LGMN: variants seen among roughly 807,000 people sequenced by gnomAD.
LGMN encodes asparaginyl endopeptidase.
A neutral mutation model predicts 56.8 loss-of-function variants in LGMN; 36 were observed. The observed-to-expected ratio is 0.63, with a 90% confidence interval of 0.49 to 0.84. The LOEUF (loss-of-function observed/expected upper bound fraction) is 0.84, where lower values mean the gene tolerates loss of function less well. Ranked by LOEUF, LGMN falls within the 40% of genes least tolerant of loss-of-function variation. LGMN has a pLI of 0.00. For synonymous variants in LGMN, 199 were observed against 210.1 expected, an observed-to-expected ratio of 0.95 and a Z score of 0.46; for missense variants, 446 against 556.1, an observed-to-expected ratio of 0.80 and a Z score of 1.99.
Position 92,707,906 on chromosome 14 carries a change from C to T in LGMN, c.1021-1253G>A, listed in dbSNP as rs147124498. 6.7e-3 allele frequency among the ~76,000 whole-genome samples: 1,021 copies of T among 152,250 alleles called. 13 individuals carry two copies. The highest frequency in any genetic ancestry group is 0.024 in the African/African-American group (995 of 41,536). ...GTGCCTCACGCCTGTAATCCCAGAACTTTGGGAGGCTGATGCAGGTGGATC... is the reference window on the plus strand; with the variant it reads ...GTGCCTCACGCCTGTAATCCCAGAATTTTGGGAGGCTGATGCAGGTGGATC... On this transcript the variant is annotated intron_variant, in intron 11 of 13. Coordinates refer to ENST00000334869, the MANE Select transcript of LGMN (RefSeq NM_005606.7).
chr14:92,706,327 A>T, intron 12 of LGMN, 156 bp downstream of exon 12: 1 of 556,690 alleles, frequency 1.8e-6, no homozygotes, highest in Non-Finnish European at 2.9e-6. Flanking sequence ...ATTTAAAATT[A>T]GTGAATTTGG....
intron 1 of LGMN, among the ~76,000 whole-genome samples, chr14:92,747,035 CAAA>C (rs35615315): frequency 2.5e-5 from 2 of 78,964 alleles, no homozygotes. Context: ...GACTCCGTCT[CAAA>C]AAAAAAAAAA....
At chr14:92,725,780 G>A (rs1362921161) in intron 2 of LGMN, among the ~76,000 whole-genome samples, 2 of 151,646 alleles carry the variant, frequency 1.3e-5, no homozygotes, top group African/African-American at 4.8e-5. Flanking sequence ...TCACCATGTT[G>A]GCCAGGCTGG....
chr14:92,704,582 G>GC, intron 13 of LGMN, 58 bp downstream of exon 13: 1 of 1,397,864 alleles, frequency 7.2e-7, no homozygotes, highest in Non-Finnish European at 1.0e-6. Flanking sequence ...GAGGATGGCA[G>GC]CCCCTTCTGC....
At position 92,708,856 on chromosome 14, in the gene LGMN, C is replaced by CAAAAAAAAAAAAAA. The variant is rs58813848; in HGVS notation, c.1020+802_1020+815dup. 7.3e-4 allele frequency among the ~76,000 whole-genome samples: 52 copies of CAAAAAAAAAAAAAA among 71,616 alleles called. 1 individual carries two copies. Among genetic ancestry groups the CAAAAAAAAAAAAAA allele is most frequent in the Admixed American group, 1.3e-3 (7 of 5,338 alleles). The allele number at this position is 71,616 out of a possible 152,430, so 47.0% of individuals were successfully genotyped here. The stretch of plus-strand genomic sequence containing the variant: ...TGGCGACAGAGCAAGACTCTTGTCT[C>CAAAAAAAAAAAAAA]AAAAAAAAAAAAAAAAAAAAAAAAA... On this transcript the variant is annotated intron_variant, in intron 11 of 13. Coordinates refer to ENST00000334869, the MANE Select transcript of LGMN (RefSeq NM_005606.7).
At chr14:92,719,753 C>T (rs1323086193) in intron 2 of LGMN, among the ~76,000 whole-genome samples, 1 of 152,204 alleles carries the variant, frequency 6.6e-6, no homozygotes, top group Non-Finnish European at 1.5e-5. Flanking sequence ...ACTCCCTGTC[C>T]ACGCAAGGGT....
At position 92,719,191 on chromosome 14, in the gene LGMN, ACCG is replaced by A. The variant is rs1341562163; in HGVS notation, c.139-350_139-348del. Among the ~76,000 whole-genome samples the A allele has an allele frequency of 4.5e-4, 56 of 124,416 alleles. 1 individual carries two copies. Among genetic ancestry groups the A allele is most frequent in the African/African-American group, 1.7e-3 (52 of 31,468 alleles). The allele number at this position is 124,416 out of a possible 152,430, so 81.6% of individuals were successfully genotyped here. A position where few individuals can be genotyped will look rare whatever the true frequency, so the allele number is the denominator to read the frequency against. ...CACCACCACCACCACCATCACCACC[ACCG>A]CCACCAACACCACCACCGCCACCAA... On this transcript the variant is annotated intron_variant, in intron 2 of 13. Transcript: ENST00000334869.
chr14:92,713,225 G>A (rs1057431224), intron 7 of LGMN, among the ~76,000 whole-genome samples: 1 of 152,040 alleles, frequency 6.6e-6, no homozygotes, highest in African/African-American at 2.4e-5. Context: ...CCCAACCCAT[G>A]CAGGTTTTTT....
At chr14:92,726,344 G>A (rs114594562) in intron 2 of LGMN, among the ~76,000 whole-genome samples, 6,414 of 152,066 alleles carry the variant, frequency 0.042, 325 homozygotes, top group African/African-American at 0.12. Context: ...TCTCGCCTCC[G>A]TCACTGCAGT....
At chr14:92,723,626 G>GT (rs1300865019) in intron 2 of LGMN, among the ~76,000 whole-genome samples, 1 of 152,192 alleles carries the variant, frequency 6.6e-6, no homozygotes, top group East Asian at 1.9e-4. Context: ...ACCACACGCT[G>GT]TTTAGCTCCA....
rs1241023383 is a variant in LGMN, at chr14:92,714,608, GCCTGTCC to G, written c.405-164_405-158del. On this transcript the variant is annotated intron_variant, in intron 5 of 13. Coordinates refer to ENST00000334869, the MANE Select transcript of LGMN (RefSeq NM_005606.7). This position sits in a 1 kb window ranked among gnomAD's most constrained non-coding sequence, Gnocchi z 5.1. ...ACAAGGGCCCGGTGCCCGGTGTCTG[GCCTGTCC>G]CCTCCACTCCCCTTGGTGTGATTCT... is the stretch of plus-strand genomic sequence containing the variant. Among the ~76,000 whole-genome samples the G allele has an allele frequency of 2.0e-5, 3 of 152,100 alleles. No individual in the cohort carries two copies. The highest frequency in any genetic ancestry group is 4.4e-5 in the Non-Finnish European group (3 of 68,002).
intron 2 of LGMN, among the ~76,000 whole-genome samples, chr14:92,730,966 AT>A (rs932841467): frequency 1.7e-4 from 26 of 152,024 alleles, no homozygotes; most frequent in African/African-American, 6.0e-4. Flanking sequence ...ATTAAAATTA[AT>A]TTCACCTTCT....
chr14:92,715,153 C>T (rs1204075151), intron 5 of LGMN, among the ~76,000 whole-genome samples: 1 of 152,044 alleles, frequency 6.6e-6, no homozygotes, highest in African/African-American at 2.4e-5. Flanking sequence ...CACACGCCAC[C>T]ACGCCTGGTT....
At chr14:92,732,884 C>T in intron 1 of LGMN, 69 bp from the exon 2 acceptor site, 1 of 1,272,064 alleles carries the variant, frequency 7.9e-7, no homozygotes, top group South Asian at 1.5e-5. Flanking sequence ...GGCGCGGTGG[C>T]TCACACCTGT....
At chr14:92,738,276 C>A (rs903938698) in intron 1 of LGMN, among the ~76,000 whole-genome samples, 5 of 150,976 alleles carry the variant, frequency 3.3e-5, no homozygotes, top group African/African-American at 1.2e-4. Context: ...ATGACATTTT[C>A]TTTTTCTTTT....
At chr14:92,706,400 G>C in intron 12 of LGMN, 83 bp downstream of exon 12, 1 of 1,174,972 alleles carries the variant, frequency 8.5e-7, no homozygotes. Context: ...CCTTCTATAA[G>C]GTCGTACAAC....
At chr14:92,745,372 G>C (rs1444711796) in intron 1 of LGMN, among the ~76,000 whole-genome samples, 1 of 152,126 alleles carries the variant, frequency 6.6e-6, no homozygotes, top group African/African-American at 2.4e-5. Context: ...AGAAATTGAA[G>C]GGTGGACATT....
chr14:92,719,245 GCCACCA>G (rs1302998421), intron 2 of LGMN, among the ~76,000 whole-genome samples: 3,634 of 22,702 alleles, frequency 0.16, 157 homozygotes, highest in African/African-American at 0.18. Flanking sequence ...CGCCACCACC[GCCACCA>G]CCACCACCGC....
At chr14:92,733,812 T>TA (rs1425155575) in intron 1 of LGMN, 1 of 151,494 alleles carries the variant, frequency 6.6e-6, no homozygotes, top group Non-Finnish European at 1.5e-5. Context: ...GGCTCAAAAC[T>TA]AAAAATAAGA....
Sources: allele counts gnomAD v4.1 joint callset (sites outside exome capture counted in the v4.1 genomes callset), GRCh38; gene constraint gnomAD v4.1.1; non-coding constraint Gnocchi (gnomAD v3.1); transcripts MANE v1.5; gene names NCBI Gene and HGNC (gene_info 2026-07-23, HGNC 2026-07-21).